Variants in PIK3CA observed in about 807,000 individuals in gnomAD.
PIK3CA encodes phosphatidylinositol-4,5-bisphosphate 3-kinase catalytic subunit alpha.
PIK3CA carries 27 observed loss-of-function variants against 138.2 expected under a neutral mutation model. The ratio of observed to expected loss-of-function variants is 0.20; its 90% confidence interval spans 0.14 to 0.27. The LOEUF (loss-of-function observed/expected upper bound fraction) is 0.27, where lower values mean the gene tolerates loss of function less well. Among genes scored for constraint, PIK3CA ranks in the 10% least tolerant of loss-of-function variants. PIK3CA has a pLI of 1.00. For missense variants in PIK3CA, 544 were observed against 1,277.4 expected (o/e 0.43, Z 8.75); for synonymous variants, 358 against 413.2 (o/e 0.87, Z 1.62).
At chr3:179,187,089 C>T (rs994130922) in intron 1 of PIK3CA, among the ~76,000 whole-genome samples, 1 of 151,358 alleles carries the variant, frequency 6.6e-6, no homozygotes, top group South Asian at 2.1e-4. Context: ...AACCAAATTT[C>T]CTTTAAGTGT....
intron 1 of PIK3CA, among the ~76,000 whole-genome samples, chr3:179,163,363 C>T (rs181556307): frequency 1.3e-5 from 2 of 152,212 alleles, no homozygotes; most frequent in East Asian, 3.9e-4. Flanking sequence ...TCGTTCGACT[C>T]TCAAATAAGA....
intron 1 of PIK3CA, among the ~76,000 whole-genome samples, chr3:179,185,534 T>C (rs781358759): frequency 6.6e-6 from 1 of 152,190 alleles, no homozygotes; most frequent in African/African-American, 2.4e-5. Context: ...GTTCTGACAC[T>C]ATCTGCCTAG....
At chr3:179,233,203 A>G (rs768958094) in intron 20 of PIK3CA, 1 of 397,012 alleles carries the variant, frequency 2.5e-6, no homozygotes. Flanking sequence ...TTCTAGGTAT[A>G]TGATTATGTC....
intron 9 of PIK3CA, among the ~76,000 whole-genome samples, chr3:179,214,103 T>C (rs1724784341): frequency 6.6e-6 from 1 of 152,228 alleles, no homozygotes. Flanking sequence ...ACTAAAACTT[T>C]CTCCATTTCA....
rs1386172856 is a variant in PIK3CA at position 179,235,143 on chromosome 3, G to A, written c.*779G>A. On this transcript the variant is annotated 3_prime_UTR_variant, in exon 21 of 21. Transcript: ENST00000263967. ...AAAGTAAAAAAAAAAAAAAATCATA[G>A]AAAAAGAATGAGCAGGAATAGTTCT... 1 of 182,532 alleles carries A rather than the reference G, an allele frequency of 5.5e-6. No individual in the cohort carries two copies. Among genetic ancestry groups the A allele is most frequent in the East Asian group, 8.6e-5 (1 of 11,578 alleles). 11.3% of individuals were successfully genotyped at this position (182,532 alleles called of 1,614,324 possible). A position where few individuals can be genotyped will look rare whatever the true frequency, so the allele number is the denominator to read the frequency against.
chr3:179,239,763 C>G lies in PIK3CA; in HGVS notation c.*5399C>G. On this transcript the variant is annotated 3_prime_UTR_variant, in exon 21 of 21. Transcript: ENST00000263967. ...ACCCTTTTGGCCCCATTAATTGTAG[C>G]AAGTTTATTTCTCTATATTTTGTCA... is the stretch of plus-strand genomic sequence containing the variant. 2.5e-6 allele frequency: 1 copy of G among 405,314 alleles called. No individual in the cohort carries two copies. The highest frequency in any genetic ancestry group is 4.4e-6 in the Non-Finnish European group (1 of 228,452). 25.1% of individuals were successfully genotyped at this position (405,314 alleles called of 1,614,324 possible).
chr3:179,156,300 A>G (rs2108351034), intron 1 of PIK3CA, among the ~76,000 whole-genome samples: 1 of 152,324 alleles, frequency 6.6e-6, no homozygotes, highest in African/African-American at 2.4e-5. Context: ...GGTTACTGGC[A>G]CTGGGAGCAA....
At chr3:179,149,302 G>A (rs1006455930) in intron 1 of PIK3CA, among the ~76,000 whole-genome samples, 1 of 152,082 alleles carries the variant, frequency 6.6e-6, no homozygotes, top group Admixed American at 6.5e-5. Context: ...CCTGTTCCAT[G>A]GCTCTTAAGT....
At chr3:179,194,174 T>C (rs1296860940) in intron 1 of PIK3CA, among the ~76,000 whole-genome samples, 2 of 152,248 alleles carry the variant, frequency 1.3e-5, no homozygotes, top group Non-Finnish European at 2.9e-5. Context: ...TTAAAAATCA[T>C]TTTAAAAGCA....
At chr3:179,205,447 C>T (rs2108395551) in intron 6 of PIK3CA, among the ~76,000 whole-genome samples, 1 of 152,196 alleles carries the variant, frequency 6.6e-6, no homozygotes, top group Non-Finnish European at 1.5e-5. Context: ...AGATTAAAAA[C>T]CTAGCATTTT....
Position 179,230,616 on chromosome 3 carries a change from G to A in PIK3CA, c.2936+240G>A, listed in dbSNP as rs578168440. 1.1e-4 allele frequency among the ~76,000 whole-genome samples: 17 copies of A among 152,046 alleles called. No individual in the cohort carries two copies. Among genetic ancestry groups the A allele is most frequent in the Non-Finnish European group, 2.4e-4 (16 of 67,970 alleles). On this transcript the variant is annotated intron_variant, in intron 20 of 20. Transcript: ENST00000263967. The surrounding 1 kb of genome is among the most constrained non-coding windows in gnomAD (Gnocchi z 5.4). ...AAAAAAATTTAAAAAGTAGCCAGGC[G>A]TGGTGGCATGCACTGTAGTCCCAGC... is the stretch of plus-strand genomic sequence containing the variant.
At chr3:179,218,503 T>C (rs1724894037) in intron 10 of PIK3CA, among the ~76,000 whole-genome samples, 169 bp downstream of exon 10, 1 of 152,076 alleles carries the variant, frequency 6.6e-6, no homozygotes, top group Non-Finnish European at 1.5e-5. Context: ...TGGTTGTAAA[T>C]TGATATTTGT....
chr3:179,209,454 C>CATA (rs1301844740), intron 6 of PIK3CA, 141 bp from the exon 7 acceptor site: 1 of 496,918 alleles, frequency 2.0e-6, no homozygotes, highest in Non-Finnish European at 3.7e-6. Flanking sequence ...TGAATATGAC[C>CATA]TTATAAAGTG....
At chr3:179,210,712 A>G (rs1053532866) in intron 9 of PIK3CA, 147 bp downstream of exon 9, 7 of 726,224 alleles carry the variant, frequency 9.6e-6, no homozygotes, top group Non-Finnish European at 1.6e-5. Context: ...TAAGTTCTCT[A>G]TATGCTAATA....
rs1009602431 is a variant in PIK3CA, at chr3:179,237,823, C to G, written c.*3459C>G. The G allele has an allele frequency of 9.5e-6, 2 of 209,832 alleles. No individual in the cohort carries two copies. Among genetic ancestry groups the G allele is most frequent in the Non-Finnish European group, 1.9e-5 (2 of 103,252 alleles). The allele number at this position is 209,832 out of a possible 1,614,324, so 13.0% of individuals were successfully genotyped here. On this transcript the variant is annotated 3_prime_UTR_variant, in exon 21 of 21. Coordinates refer to ENST00000263967, the MANE Select transcript of PIK3CA (RefSeq NM_006218.4). Reference sequence around the variant, plus strand: ...TTTAATTTCCAGCAGTATTTTAAAGCTAGCCTGTTAACTTTTTCTGAATAT... The same window carrying G: ...TTTAATTTCCAGCAGTATTTTAAAGGTAGCCTGTTAACTTTTTCTGAATAT...
At chr3:179,198,299 G>C (rs1724318272) in intron 1 of PIK3CA, among the ~76,000 whole-genome samples, 1 of 152,148 alleles carries the variant, frequency 6.6e-6, no homozygotes, top group Admixed American at 6.5e-5. Flanking sequence ...CTCTAGGCAT[G>C]GTTTTACTTA....
At position 179,220,902 on chromosome 3, in the gene PIK3CA, G is replaced by C. The variant is rs1336130003; in HGVS notation, c.2016-84G>C. 69 of 667,374 alleles carry C rather than the reference G, an allele frequency of 1.0e-4. No individual in the cohort carries two copies. In the East Asian group the frequency reaches 2.1e-3, roughly 20 times the overall value. 41.3% of individuals were successfully genotyped at this position (667,374 alleles called of 1,614,324 possible). On this transcript the variant is annotated intron_variant, in intron 13 of 20. Transcript: ENST00000263967. This position sits in a 1 kb window ranked among gnomAD's most constrained non-coding sequence, Gnocchi z 4.1. ...AACATTTATTGGATTTCAAAAATGA[G>C]TGTTTAAATTGTTTAGCAAAGATTA...
At chr3:179,159,836 G>C (rs1410218346) in intron 1 of PIK3CA, among the ~76,000 whole-genome samples, 1 of 151,940 alleles carries the variant, frequency 6.6e-6, no homozygotes, top group African/African-American at 2.4e-5. Flanking sequence ...TGTTACTCCT[G>C]GGCTACAAAC....
At position 179,218,351 on chromosome 3, in the gene PIK3CA, A is replaced by G. The variant is rs2108408550; in HGVS notation, c.1664+17A>G. The stretch of plus-strand genomic sequence containing the variant: ...GAGTCACAGGTAAGTGCTAAAATGG[A>G]GATTCTCTGTTTCTTTTTCTTTATT... On this transcript the variant is annotated intron_variant, in intron 10 of 20. Transcript: ENST00000263967. 6.3e-7 allele frequency: 1 copy of G among 1,587,880 alleles called. No homozygotes were observed. The highest frequency in any genetic ancestry group is 1.4e-5 in the African/African-American group (1 of 73,902).
Sources: allele counts gnomAD v4.1 joint callset (sites outside exome capture counted in the v4.1 genomes callset), GRCh38; gene constraint gnomAD v4.1.1; non-coding constraint Gnocchi (gnomAD v3.1); transcripts MANE v1.5; gene names NCBI Gene and HGNC (gene_info 2026-07-23, HGNC 2026-07-21).